The following OIT3 variants were observed in gnomAD, a reference collection of about 807,000 sequenced individuals.
OIT3 encodes the protein oncoprotein-induced transcript 3 protein.
OIT3 carries 41 observed loss-of-function variants against 52.2 expected under a neutral mutation model. The observed-to-expected ratio is 0.79, with a 90% CI of 0.61 to 1.02. The LOEUF is 1.02. Ranked by LOEUF, OIT3 falls within the 50% of genes least tolerant of loss-of-function variation. The pLI, the probability that OIT3 is intolerant of heterozygous loss-of-function variation, is 0.00. For missense variants in OIT3, 634 were observed against 715.5 expected (o/e 0.89, Z 1.30); for synonymous variants, 244 against 276.9 (o/e 0.88, Z 1.18).
chr10:72,923,161 G>A (rs928452535), intron 6 of OIT3, among the ~76,000 whole-genome samples: 3 of 152,318 alleles, frequency 2.0e-5, no homozygotes, highest in East Asian at 3.9e-4. Flanking sequence ...ACAGGTGTGA[G>A]CCACCGTGCC....
intron 6 of OIT3, among the ~76,000 whole-genome samples, chr10:72,920,044 G>A (rs547934009): frequency 1.3e-5 from 2 of 152,076 alleles, no homozygotes; most frequent in African/African-American, 4.8e-5. Flanking sequence ...CTTTGTACAG[G>A]GGGTAGAATT....
chr10:72,930,661 T>A, intron 8 of OIT3, 24 bp downstream of exon 8: 3 of 1,293,890 alleles, frequency 2.3e-6, no homozygotes, highest in Non-Finnish European at 3.3e-6. Context: ...CTTTAATTTA[T>A]AACCCCTGAA....
At chr10:72,917,481 G>A (rs948642548) in intron 6 of OIT3, among the ~76,000 whole-genome samples, 1 of 152,098 alleles carries the variant, frequency 6.6e-6, no homozygotes, top group African/African-American at 2.4e-5. Context: ...CAGGCATTTT[G>A]GACAACACAT....
At chr10:72,896,337 G>T (rs1845875012) in intron 1 of OIT3, among the ~76,000 whole-genome samples, 1 of 152,152 alleles carries the variant, frequency 6.6e-6, no homozygotes, top group African/African-American at 2.4e-5. Context: ...AACCTTATTT[G>T]TAAGAAAAAG....
At chr10:72,917,728 C>A (rs1846085426) in intron 6 of OIT3, 1 of 1,101,462 alleles carries the variant, frequency 9.1e-7, no homozygotes. Flanking sequence ...AACTTGGCTG[C>A]CACTTTGGGA....
At chr10:72,911,969 G>A (rs1043064545) in intron 5 of OIT3, 130 bp downstream of exon 5, 27 of 695,918 alleles carry the variant, frequency 3.9e-5, no homozygotes, top group Admixed American at 6.0e-5. Context: ...CGAGCAGTGT[G>A]TATTGCTGAA....
intron 6 of OIT3, among the ~76,000 whole-genome samples, chr10:72,920,914 G>A (rs1487564031): frequency 6.6e-6 from 1 of 152,196 alleles, no homozygotes; most frequent in Non-Finnish European, 1.5e-5. Flanking sequence ...TTTTGGGGTG[G>A]AGACTTCTGT....
At chr10:72,910,421 C>A (rs1052620419) in intron 4 of OIT3, among the ~76,000 whole-genome samples, 1 of 151,906 alleles carries the variant, frequency 6.6e-6, no homozygotes, top group Non-Finnish European at 1.5e-5. Flanking sequence ...TTTGGGAGGC[C>A]GAGGCGGGTA....
chr10:72,908,178 G>A (rs1477771854), intron 4 of OIT3, among the ~76,000 whole-genome samples: 4 of 152,100 alleles, frequency 2.6e-5, no homozygotes, highest in African/African-American at 9.7e-5. Flanking sequence ...GGGAGGTGGA[G>A]GTTGCAGTGA....
intron 3 of OIT3, among the ~76,000 whole-genome samples, chr10:72,902,938 T>TC (rs1845947084): frequency 6.6e-6 from 1 of 152,200 alleles, no homozygotes; most frequent in Non-Finnish European, 1.5e-5. Context: ...AGGTAGCATA[T>TC]CATTCACATC....
At position 72,924,394 on chromosome 10, in the gene OIT3, C is replaced by T. The variant is rs748528615; in HGVS notation, c.1117C>T (p.Arg373Ter). ...TISEGYVPNL[R>*]NSPLEIMSRN... ...TTCTGAAGGATACGTTCCCAACCTT[C>T]GAAACTCCCCACTGGAAATCATGAG... is the stretch of plus-strand genomic sequence containing the variant. The change falls in exon 7 of 9, where the codon CGA becomes TGA. Residue 373 changes from arginine (R) to a stop codon, truncating the protein, a stop_gained. Transcript: ENST00000334011. LOFTEE classifies it high-confidence loss of function. The T allele has an allele frequency of 8.7e-6, 14 of 1,614,106 alleles. No homozygotes were observed. Among genetic ancestry groups the T allele is most frequent in the South Asian group, 5.5e-5 (5 of 91,070 alleles).
rs747774590 is a variant in OIT3, at chr10:72,930,556, G to C, written c.1386G>C (p.Ser462=). ...CTTTCAGCTGTGTTTCAGATGACTC[G>C]GTAAAGCAGTACACATCCCGGGATC... ...LIRDGCVSDD[S]VKQYTSRDHL... Residue 462 remains serine (S), a synonymous_variant, in exon 8 of 9, where the codon TCG becomes TCC. Coordinates refer to ENST00000334011, the MANE Select transcript of OIT3 (RefSeq NM_152635.3). 1 of 1,613,030 alleles carries C rather than the reference G, an allele frequency of 6.2e-7. No homozygotes were observed. Among genetic ancestry groups the C allele is most frequent in the Non-Finnish European group, 8.5e-7 (1 of 1,179,376 alleles).
At position 72,893,859 on chromosome 10, in the gene OIT3, G is replaced by A; in HGVS notation, c.61G>A (p.Ala21Thr). The change falls in exon 1 of 9, where the codon GCC becomes ACC. Residue 21 changes from alanine to threonine, a missense_variant and splice_region_variant. Transcript: ENST00000334011. ...FITGTSVSPVALDPCSAYISL... is the reference protein window; with the variant it reads ...FITGTSVSPVTLDPCSAYISL... Reference sequence around the variant, plus strand: ...CACAGGCACCTCCGTGTCACCCGTGGGTGAGTCTCATGTCAAGAACTTGGC... The same window carrying A: ...CACAGGCACCTCCGTGTCACCCGTGAGTGAGTCTCATGTCAAGAACTTGGC... 1 of 1,607,898 alleles carries A rather than the reference G, an allele frequency of 6.2e-7. No homozygotes were observed. Among genetic ancestry groups the A allele is most frequent in the Non-Finnish European group, 8.5e-7 (1 of 1,177,194 alleles).
At chr10:72,925,395 G>A (rs1296417265) in intron 7 of OIT3, among the ~76,000 whole-genome samples, 1 of 152,200 alleles carries the variant, frequency 6.6e-6, no homozygotes, top group Non-Finnish European at 1.5e-5. Flanking sequence ...CAGATTTAGA[G>A]ATGAAACTGT....
chr10:72,926,118 T>A (rs900694734), intron 7 of OIT3, among the ~76,000 whole-genome samples: 20 of 152,246 alleles, frequency 1.3e-4, no homozygotes, highest in Admixed American at 2.0e-4. Flanking sequence ...CAGTCTCAGG[T>A]AGGATCAGGA....
intron 1 of OIT3, among the ~76,000 whole-genome samples, chr10:72,895,062 G>C (rs1390764723): frequency 3.3e-5 from 5 of 152,100 alleles, no homozygotes; most frequent in African/African-American, 4.8e-5. Flanking sequence ...ATGTGACAAA[G>C]GTACCATGCC....
chr10:72,930,679 C>CA, intron 8 of OIT3, 42 bp downstream of exon 8: 4 of 756,760 alleles, frequency 5.3e-6, no homozygotes, highest in Non-Finnish European at 8.4e-6. Context: ...GAACCTGAGC[C>CA]TTTTTTTTTT....
chr10:72,919,597 C>T (rs1373335220), intron 6 of OIT3, among the ~76,000 whole-genome samples: 1 of 152,064 alleles, frequency 6.6e-6, no homozygotes, highest in Non-Finnish European at 1.5e-5. Flanking sequence ...TCATATATGG[C>T]TCTTATTATT....
At chr10:72,905,398 G>A (rs1845969397) in intron 3 of OIT3, among the ~76,000 whole-genome samples, 1 of 152,098 alleles carries the variant, frequency 6.6e-6, no homozygotes, top group Non-Finnish European at 1.5e-5. Context: ...TTGAACCTGG[G>A]AGGCAGGGGT....
Sources: allele counts gnomAD v4.1 joint callset (sites outside exome capture counted in the v4.1 genomes callset), GRCh38; gene constraint gnomAD v4.1.1; transcripts MANE v1.5; gene names NCBI Gene and HGNC (gene_info 2026-07-23, HGNC 2026-07-21).